Variants in TMEM132D observed in about 807,000 individuals in gnomAD.
The protein encoded by TMEM132D is transmembrane protein 132D.
A neutral mutation model predicts 62.3 loss-of-function variants in TMEM132D; 21 were observed. The observed-to-expected ratio is 0.34, with a 90% confidence interval of 0.24 to 0.49. TMEM132D has a LOEUF of 0.49. Ranked by LOEUF, TMEM132D falls within the 20% of genes least tolerant of loss-of-function variation. TMEM132D has a pLI of 0.99. For missense variants in TMEM132D, 1,346 were observed against 1,402.8 expected (o/e 0.96, Z 0.65); for synonymous variants, 621 against 575.6 (o/e 1.08, Z -1.13).
At chr12:129,276,684 C>T (rs902882851) in intron 4 of TMEM132D, among the ~76,000 whole-genome samples, 7 of 152,166 alleles carry the variant, frequency 4.6e-5, no homozygotes, top group African/African-American at 9.7e-5. Context: ...AGCCCACTTA[C>T]GCCGATAGTT....
intron 4 of TMEM132D, among the ~76,000 whole-genome samples, chr12:129,279,500 C>T (rs1200306544): frequency 1.3e-5 from 2 of 151,996 alleles, no homozygotes; most frequent in African/African-American, 4.8e-5. Flanking sequence ...GTAAAAATAT[C>T]GCTCTTCTCT....
At chr12:129,587,103 G>A (rs1454435772) in intron 2 of TMEM132D, among the ~76,000 whole-genome samples, 1 of 152,090 alleles carries the variant, frequency 6.6e-6, no homozygotes, top group East Asian at 1.9e-4. Flanking sequence ...TATCACTACA[G>A]CACTACTCAC....
At chr12:129,614,487 C>T (rs1878863174) in intron 2 of TMEM132D, among the ~76,000 whole-genome samples, 1 of 152,220 alleles carries the variant, frequency 6.6e-6, no homozygotes, top group Non-Finnish European at 1.5e-5. Context: ...GGGTCAGATG[C>T]AATCACTCTG....
intron 2 of TMEM132D, among the ~76,000 whole-genome samples, chr12:129,648,480 A>G (rs1292363685): frequency 6.6e-6 from 1 of 152,132 alleles, no homozygotes; most frequent in Non-Finnish European, 1.5e-5. Flanking sequence ...AACTCTCCCT[A>G]TTGCAATTCC....
At chr12:129,411,820 T>G (rs535029165) in intron 3 of TMEM132D, among the ~76,000 whole-genome samples, 1 of 152,320 alleles carries the variant, frequency 6.6e-6, no homozygotes, top group Non-Finnish European at 1.5e-5. Flanking sequence ...CACAAATATT[T>G]CGAGATCACT....
intron 1 of TMEM132D, among the ~76,000 whole-genome samples, chr12:129,738,157 C>A (rs1227821901): frequency 6.6e-6 from 1 of 151,866 alleles, no homozygotes; most frequent in Non-Finnish European, 1.5e-5. Context: ...TACCAAATAC[C>A]AGGGTGAAAA....
chr12:129,869,632 G>A (rs1483644103), intron 1 of TMEM132D, among the ~76,000 whole-genome samples: 2 of 152,178 alleles, frequency 1.3e-5, no homozygotes. Context: ...CGAATACAGA[G>A]CACTGTCTGG....
intron 4 of TMEM132D, among the ~76,000 whole-genome samples, chr12:129,336,977 T>C (rs1404519284): frequency 6.6e-6 from 1 of 151,900 alleles, no homozygotes. Flanking sequence ...CACAAAATAA[T>C]AACCAGGGAG....
intron 5 of TMEM132D, among the ~76,000 whole-genome samples, chr12:129,131,439 T>C (rs958799442): frequency 6.6e-6 from 1 of 152,146 alleles, no homozygotes; most frequent in African/African-American, 2.4e-5. Flanking sequence ...AAACCCCATC[T>C]GTATAACAAT....
chr12:129,341,305 G>A (rs779266269), intron 3 of TMEM132D, among the ~76,000 whole-genome samples: 3 of 152,206 alleles, frequency 2.0e-5, no homozygotes, highest in Non-Finnish European at 2.9e-5. Flanking sequence ...GGAATCTGAT[G>A]TATTGTAGGA....
chr12:129,186,128 G>A (rs1878216989), intron 5 of TMEM132D, among the ~76,000 whole-genome samples: 1 of 152,080 alleles, frequency 6.6e-6, no homozygotes, highest in Non-Finnish European at 1.5e-5. Flanking sequence ...TCCGCTGCGG[G>A]GAGTCCACCC....
rs1872466422 is a variant in TMEM132D, at chr12:129,819,169, C to T, written c.79+84092G>A. ...AGGTTCATGCTGCCCCACATGAGAACACGCGCTTAGAGTGGAAATTCCATA... is the reference window on the plus strand; with the variant it reads ...AGGTTCATGCTGCCCCACATGAGAATACGCGCTTAGAGTGGAAATTCCATA... On this transcript the variant is annotated intron_variant, in intron 1 of 8. Coordinates refer to ENST00000422113, the MANE Select transcript of TMEM132D (RefSeq NM_133448.3). 2.6e-5 allele frequency among the ~76,000 whole-genome samples: 4 copies of T among 152,170 alleles called. No homozygotes were observed. In the South Asian group the frequency reaches 8.3e-4, roughly 32 times the overall value.
At chr12:129,607,955 C>G (rs543922386) in intron 2 of TMEM132D, among the ~76,000 whole-genome samples, 1 of 152,260 alleles carries the variant, frequency 6.6e-6, no homozygotes, top group African/African-American at 2.4e-5. Context: ...CACTCAGCCC[C>G]CAGTGAATGT....
chr12:129,608,906 T>C (rs746292780), intron 2 of TMEM132D, among the ~76,000 whole-genome samples: 3 of 151,526 alleles, frequency 2.0e-5, no homozygotes, highest in African/African-American at 4.8e-5. Context: ...TTTTCCAGCT[T>C]AGTAGGTCTG....
intron 2 of TMEM132D, among the ~76,000 whole-genome samples, chr12:129,609,046 T>A (rs981827776): frequency 1.3e-5 from 2 of 151,902 alleles, no homozygotes; most frequent in African/African-American, 4.8e-5. Context: ...GTTCCAGCGA[T>A]TCTCCTGCCT....
intron 1 of TMEM132D, among the ~76,000 whole-genome samples, chr12:129,785,080 T>C (rs1871216639): frequency 6.6e-6 from 1 of 152,202 alleles, no homozygotes; most frequent in Non-Finnish European, 1.5e-5. Flanking sequence ...GCTTTCATAT[T>C]AAAATTCAAC....
chr12:129,746,115 A>G (rs1284306587), intron 1 of TMEM132D, among the ~76,000 whole-genome samples: 7 of 152,218 alleles, frequency 4.6e-5, no homozygotes, highest in Middle Eastern at 3.2e-3. Context: ...CAGGTAGAGA[A>G]GCAACACTTA....
intron 3 of TMEM132D, among the ~76,000 whole-genome samples, chr12:129,357,908 A>G (rs1285992702): frequency 1.3e-5 from 2 of 152,248 alleles, no homozygotes; most frequent in Non-Finnish European, 2.9e-5. Context: ...TCAAGATGAA[A>G]GTCAAGATAT....
chr12:129,100,909 T>G (rs1022684401), intron 5 of TMEM132D, among the ~76,000 whole-genome samples: 5 of 152,190 alleles, frequency 3.3e-5, no homozygotes, highest in Non-Finnish European at 5.9e-5. Context: ...AAAGGACAGC[T>G]GTCTGGGGGT....
Sources: allele counts gnomAD v4.1 joint callset (sites outside exome capture counted in the v4.1 genomes callset), GRCh38; gene constraint gnomAD v4.1.1; transcripts MANE v1.5; gene names NCBI Gene and HGNC (gene_info 2026-07-23, HGNC 2026-07-21).